The following TIE1 variants were observed in gnomAD, a reference collection of about 807,000 sequenced individuals.
TIE1 encodes tyrosine-protein kinase receptor Tie-1.
A neutral mutation model predicts 130.5 loss-of-function variants in TIE1; 89 were observed. That is an observed-to-expected ratio of 0.68 (90% confidence interval 0.57 to 0.81). The LOEUF is 0.81. Ranked by LOEUF, TIE1 falls within the 40% of genes least tolerant of loss-of-function variation. TIE1 has a pLI of 0.00. For synonymous variants in TIE1, 568 were observed against 629.4 expected, an observed-to-expected ratio of 0.90 and a Z score of 1.46; for missense variants, 1,392 against 1,559.8, an observed-to-expected ratio of 0.89 and a Z score of 1.81.
Position 43,307,627 on chromosome 1 carries a change from A to G in TIE1, c.913+55A>G. 1 of 1,610,552 alleles carries G rather than the reference A, an allele frequency of 6.2e-7. No individual in the cohort carries two copies. Among genetic ancestry groups the G allele is most frequent in the Non-Finnish European group, 8.5e-7 (1 of 1,177,758 alleles). ...ACCAAGACAGCTGGCCAGGAGCTTGACCCGGACCCTCCACTCTGCCTCTGA... is the reference window on the plus strand; with the variant it reads ...ACCAAGACAGCTGGCCAGGAGCTTGGCCCGGACCCTCCACTCTGCCTCTGA... On this transcript the variant is annotated intron_variant, in intron 6 of 22. Transcript: ENST00000372476. This position sits in a 1 kb window ranked among gnomAD's most constrained non-coding sequence, Gnocchi z 5.4.
rs201243488 is a variant in TIE1, at chr1:43,309,061, C to G, written c.1118C>G (p.Ala373Gly). 144 of 1,614,016 alleles carry G rather than the reference C, an allele frequency of 8.9e-5. No individual in the cohort carries two copies. In the Middle Eastern group the frequency reaches 3.5e-3, roughly 39 times the overall value. Residue 373 changes from alanine to glycine, a missense_variant, in exon 8 of 23, where the codon GCA becomes GGA. Around this residue, in one of 6 missense-constraint regions of TIE1, gnomAD observed 551 missense variants for 565.5 expected, o/e 0.97. Coordinates refer to ENST00000372476, the MANE Select transcript of TIE1 (RefSeq NM_005424.5). This position sits in a 1 kb window ranked among gnomAD's most constrained non-coding sequence, Gnocchi z 6.3. ...GAGACGATGCCCCGGATCAACTGTG[C>G]AGCTGCAGGGAACCCCTTCCCCGTG... The part of the protein sequence containing the change: ...NLETMPRINC[A>G]AAGNPFPVRG...
chr1:43,310,268 C>T (rs903723018), intron 9 of TIE1, among the ~76,000 whole-genome samples: 9 of 152,132 alleles, frequency 5.9e-5, no homozygotes, highest in Non-Finnish European at 1.3e-4. Flanking sequence ...CCTCACCTTC[C>T]GCCTTTCTCT....
chr1:43,312,698 A>T lies in TIE1; in HGVS notation c.1927+97A>T, dbSNP rs568919456. The T allele has an allele frequency of 1.7e-5, 24 of 1,388,810 alleles. No homozygotes were observed. The African/African-American group carries it at 2.6e-4, about 15-fold the overall frequency. 86.0% of individuals were successfully genotyped at this position (1,388,810 alleles called of 1,614,324 possible). A position where few individuals can be genotyped will look rare whatever the true frequency, so the allele number is the denominator to read the frequency against. On this transcript the variant is annotated intron_variant, in intron 12 of 22. Coordinates refer to ENST00000372476, the MANE Select transcript of TIE1 (RefSeq NM_005424.5). This position sits in a 1 kb window ranked among gnomAD's most constrained non-coding sequence, Gnocchi z 5.6. ...AGACACGGGAGGCTGTAGGAGATTA[A>T]TGGACATGGAGAGGACACAGGACAC... is the stretch of plus-strand genomic sequence containing the variant.
rs1646857627 is a variant in TIE1 at position 43,316,254 on chromosome 1, A to G, written c.2410-945A>G. ...CAGGCCTGCATGTGTGTATGGACCT[A>G]TACATGATGCACCTACATATGGTGC... On this transcript the variant is annotated intron_variant, in intron 14 of 22. Transcript: ENST00000372476. The surrounding 1 kb of genome is among the most constrained non-coding windows in gnomAD (Gnocchi z 4.4). 6.6e-6 allele frequency among the ~76,000 whole-genome samples: 1 copy of G among 152,148 alleles called. No individual in the cohort carries two copies. The highest frequency in any genetic ancestry group is 2.1e-4 in the South Asian group (1 of 4,826).
chr1:43,307,700 A>C lies in TIE1; in HGVS notation c.914-96A>C. ...TCACTTGACCAGTCCTTCTATCCTC[A>C]GCCTGTTGTATAACCTGTGCCCCAT... On this transcript the variant is annotated intron_variant, in intron 6 of 22. Transcript: ENST00000372476. The surrounding 1 kb of genome is among the most constrained non-coding windows in gnomAD (Gnocchi z 5.4). 1.3e-6 allele frequency: 2 copies of C among 1,598,704 alleles called. No homozygotes were observed. Among genetic ancestry groups the C allele is most frequent in the Non-Finnish European group, 1.7e-6 (2 of 1,169,822 alleles).
chr1:43,312,452 G>A lies in TIE1; in HGVS notation c.1778G>A (p.Arg593Gln), dbSNP rs767953419. 3.6e-5 allele frequency: 58 copies of A among 1,610,900 alleles called. No homozygotes were observed. The highest frequency in any genetic ancestry group is 4.2e-5 in the Non-Finnish European group (49 of 1,179,528). ...RLWDGTRGQE[R>Q]RENVSSPQAR... ...TGGGACGGGACACGGGGGCAGGAGC[G>A]GCGGGAGAACGTCTCATCCCCCCAG... Residue 593 changes from arginine (R) to glutamine (Q), a missense_variant, in exon 12 of 23, where the codon CGG (arginine) becomes CAG (glutamine). Transcript: ENST00000372476. This position sits in a 1 kb window ranked among gnomAD's most constrained non-coding sequence, Gnocchi z 5.6.
chr1:43,302,814 T>G (rs1465370493), intron 1 of TIE1, among the ~76,000 whole-genome samples: 2 of 151,060 alleles, frequency 1.3e-5, no homozygotes, highest in Non-Finnish European at 3.0e-5. Context: ...GCTGTTGGGA[T>G]GGTCTAGGTG....
Position 43,301,040 on chromosome 1 carries a change from C to G in TIE1, c.-32C>G. ...ACAGCATCTGACCCCAGGCCCAGCT[C>G]GTCCTGGCTGGCCTGGGTCGGCCTC... On this transcript the variant is annotated 5_prime_UTR_variant, in exon 1 of 23. Transcript: ENST00000372476. 2 of 1,612,070 alleles carry G rather than the reference C, an allele frequency of 1.2e-6. No individual in the cohort carries two copies. Among genetic ancestry groups the G allele is most frequent in the Non-Finnish European group, 1.7e-6 (2 of 1,178,726 alleles).
In TIE1 at chr1:43,301,101, C is replaced by T; in HGVS notation, c.30C>T (p.Leu10=). Residue 10 remains leucine (L), a synonymous_variant, in exon 1 of 23, where the codon CTC becomes CTT. Coordinates refer to ENST00000372476, the MANE Select transcript of TIE1 (RefSeq NM_005424.5). The part of the protein sequence containing the change: MVWRVPPFL[L]PILFLASHVG... ...TCTGGCGGGTGCCCCCTTTCTTGCT[C>T]CCCATCCTCTTCTTGGCTTCTCATG... is the stretch of plus-strand genomic sequence containing the variant. 3 of 1,613,880 alleles carry T rather than the reference C, an allele frequency of 1.9e-6. No individual in the cohort carries two copies. Among genetic ancestry groups the T allele is most frequent in the South Asian group, 2.2e-5 (2 of 91,012 alleles).
chr1:43,305,891 G>T (rs1328162075), intron 3 of TIE1, among the ~76,000 whole-genome samples: 1 of 152,202 alleles, frequency 6.6e-6, no homozygotes, highest in Non-Finnish European at 1.5e-5. Context: ...GTGGCCCCAA[G>T]ATTCCTGCCT....
intron 14 of TIE1, 85 bp downstream of exon 14, chr1:43,314,053 TTGTG>T (rs138876276): frequency 3.7e-4 from 458 of 1,238,112 alleles, no homozygotes; most frequent in Non-Finnish European, 4.4e-4. Context: ...CTTGTACACC[TTGTG>T]TGTGTGTGTG....
rs369295932 is a variant in TIE1, at chr1:43,309,471, G to A, written c.1272G>A (p.Trp424Ter). ...PRLVLADSGF[W>*]ECRVSTSGGQ... ...TGGTTCTTGCGGACAGTGGGTTCTGGGAGTGCCGTGTGTCCACATCTGGCG... is the reference window on the plus strand; with the variant it reads ...TGGTTCTTGCGGACAGTGGGTTCTGAGAGTGCCGTGTGTCCACATCTGGCG... The change falls in exon 9 of 23, where the codon TGG (tryptophan) becomes TGA (stop). Residue 424 changes from tryptophan to a stop codon, truncating the protein, a stop_gained. Coordinates refer to ENST00000372476, the MANE Select transcript of TIE1 (RefSeq NM_005424.5). LOFTEE classifies it high-confidence loss of function. The surrounding 1 kb of genome is among the most constrained non-coding windows in gnomAD (Gnocchi z 6.3). The A allele has an allele frequency of 4.3e-6, 7 of 1,611,256 alleles. No individual in the cohort carries two copies. The highest frequency in any genetic ancestry group is 1.3e-5 in the African/African-American group (1 of 74,758).
chr1:43,309,646 C>T lies in TIE1; in HGVS notation c.1333+114C>T, dbSNP rs2153911341. The T allele has an allele frequency of 7.3e-7, 1 of 1,363,730 alleles. No homozygotes were observed. 84.5% of individuals were successfully genotyped at this position (1,363,730 alleles called of 1,614,324 possible). On this transcript the variant is annotated intron_variant, in intron 9 of 22. Transcript: ENST00000372476. The surrounding 1 kb of genome is among the most constrained non-coding windows in gnomAD (Gnocchi z 6.3). ...GGACAAGGACATCTAAGGTCATAGC[C>T]TAGCACCAGACAAAAAGCGGGGTTG...
chr1:43,313,675 C>T lies in TIE1; in HGVS notation c.2219-103C>T, dbSNP rs1054274569. The T allele has an allele frequency of 1.5e-6, 2 of 1,299,308 alleles. No homozygotes were observed. The highest frequency in any genetic ancestry group is 2.5e-5 in the Admixed American group (1 of 39,710). 80.5% of individuals were successfully genotyped at this position (1,299,308 alleles called of 1,614,324 possible). Reference sequence around the variant, plus strand: ...TGGCCCAAGTGATTTCCTGACAGTCCTGGCACTGGGATCTTTCACCTCTCC... The same window carrying T: ...TGGCCCAAGTGATTTCCTGACAGTCTTGGCACTGGGATCTTTCACCTCTCC... On this transcript the variant is annotated intron_variant, in intron 13 of 22. Coordinates refer to ENST00000372476, the MANE Select transcript of TIE1 (RefSeq NM_005424.5). This position sits in a 1 kb window ranked among gnomAD's most constrained non-coding sequence, Gnocchi z 6.2.
chr1:43,305,094 G>A lies in TIE1; in HGVS notation c.302G>A (p.Gly101Asp). The change falls in exon 2 of 23, where the codon GGC (glycine) becomes GAC (aspartate). Residue 101 changes from glycine (G) to aspartate (D), a missense_variant. Gly to Asp is a moderately conservative substitution (Grantham distance 94). Coordinates refer to ENST00000372476, the MANE Select transcript of TIE1 (RefSeq NM_005424.5). ...RGFSKPSDLV[G>D]VFSCVGGAGA... ...TTCTCCAAGCCCTCGGACCTCGTGG[G>A]CGTCTTCTCCTGCGTGGGCGGTGCT... 1 of 1,612,946 alleles carries A rather than the reference G, an allele frequency of 6.2e-7. No homozygotes were observed. The highest frequency in any genetic ancestry group is 2.2e-5 in the East Asian group (1 of 44,844).
Position 43,322,726 on chromosome 1 carries a change from G to C in TIE1, c.*4G>C, listed in dbSNP as rs759124127. ...TGCCACAGCTGAGGAGGCCTGAGCT[G>C]CCATCCAGCCAGAACGTGGCTCTGC... On this transcript the variant is annotated 3_prime_UTR_variant, in exon 23 of 23. Coordinates refer to ENST00000372476, the MANE Select transcript of TIE1 (RefSeq NM_005424.5). This position sits in a 1 kb window ranked among gnomAD's most constrained non-coding sequence, Gnocchi z 4.0. The C allele has an allele frequency of 1.2e-6, 2 of 1,613,412 alleles. No homozygotes were observed. Among genetic ancestry groups the C allele is most frequent in the South Asian group, 2.2e-5 (2 of 91,026 alleles).
Position 43,306,965 on chromosome 1 carries a change from G to C in TIE1, c.610G>C (p.Gly204Arg), listed in dbSNP as rs1381067107. 2.5e-6 allele frequency: 4 copies of C among 1,613,840 alleles called. No homozygotes were observed. The highest frequency in any genetic ancestry group is 3.4e-6 in the Non-Finnish European group (4 of 1,180,008). ...SATYLEASPL[G>R]SAFFRLIVRG... ...CACTTACCTGGAAGCCAGCCCCCTG[G>C]GCAGCGCCTTCTTTCGGCTCATCGT... Residue 204 changes from glycine (G) to arginine (R), a missense_variant, in exon 4 of 23, where the codon GGC (glycine) becomes CGC (arginine). Transcript: ENST00000372476. This position sits in a 1 kb window ranked among gnomAD's most constrained non-coding sequence, Gnocchi z 4.9.
At position 43,313,780 on chromosome 1, in the gene TIE1, C is replaced by A. The variant is rs1171435882; in HGVS notation, c.2221C>A (p.Leu741Met). 3 of 1,611,188 alleles carry A rather than the reference C, an allele frequency of 1.9e-6. No individual in the cohort carries two copies. Among genetic ancestry groups the A allele is most frequent in the Non-Finnish European group, 2.5e-6 (3 of 1,178,830 alleles). ...TVEESTLGNG[L>M]QAEGPVQESR... is the part of the protein sequence containing the mutation. ...TCTGCCCCTCTCACTGTGTCCAGGG[C>A]TGCAGGCTGAGGGCCCAGTCCAAGA... is the stretch of plus-strand genomic sequence containing the variant. The change falls in exon 14 of 23, where the codon CTG becomes ATG. Residue 741 changes from leucine to methionine, a missense_variant and splice_region_variant. Physicochemically the swap from Leu to Met is conservative, Grantham distance 15. This residue lies in a region of TIE1 where 551 missense variants were observed against 565.5 expected (regional missense o/e 0.97). Transcript: ENST00000372476. This position sits in a 1 kb window ranked among gnomAD's most constrained non-coding sequence, Gnocchi z 6.2.
Position 43,308,979 on chromosome 1 carries a change from T to C in TIE1, c.1043-7T>C, listed in dbSNP as rs370673791. On this transcript the variant is annotated splice_polypyrimidine_tract_variant and splice_region_variant and intron_variant, in intron 7 of 22. Coordinates refer to ENST00000372476, the MANE Select transcript of TIE1 (RefSeq NM_005424.5). ...GGAGCTCCAGGATGAGTGTCCTTTCTCCCCAGACCGGATCCCCCAGATCCT... is the reference window on the plus strand; with the variant it reads ...GGAGCTCCAGGATGAGTGTCCTTTCCCCCCAGACCGGATCCCCCAGATCCT... 3.7e-6 allele frequency: 6 copies of C among 1,613,894 alleles called. No homozygotes were observed. Among genetic ancestry groups the C allele is most frequent in the Non-Finnish European group, 4.2e-6 (5 of 1,179,934 alleles).
Sources: gnomAD v4.1 joint callset for allele counts (sites outside exome capture counted in the v4.1 genomes callset) on GRCh38, gnomAD v4.1.1 for gene constraint, gnomAD v4.1.1 regional missense constraint, Gnocchi (gnomAD v3.1) non-coding constraint, MANE v1.5 for transcripts, NCBI Gene and HGNC (gene_info 2026-07-23, HGNC 2026-07-21) for gene names.